The following KSR2 variants were observed in gnomAD, a reference collection of about 807,000 sequenced individuals.
The protein encoded by KSR2 is kinase suppressor of ras 2.
KSR2 carries 25 observed loss-of-function variants against 107.8 expected under a neutral mutation model. The observed-to-expected ratio is 0.23, with a 90% CI of 0.17 to 0.32. KSR2 has a LOEUF of 0.32. Among genes scored for constraint, KSR2 ranks in the 10% least tolerant of loss-of-function variants. KSR2 has a pLI of 1.00. For missense variants in KSR2, 887 were observed against 1,268.9 expected (o/e 0.70, Z 4.57); for synonymous variants, 480 against 507.0 (o/e 0.95, Z 0.71).
At chr12:117,731,161 C>T (rs1314993865) in intron 4 of KSR2, among the ~76,000 whole-genome samples, 1 of 151,018 alleles carries the variant, frequency 6.6e-6, no homozygotes, top group African/African-American at 2.4e-5. Context: ...CCGGCCACGA[C>T]CCCGTCTGGG....
intron 5 of KSR2, among the ~76,000 whole-genome samples, chr12:117,595,489 T>C (rs1052029862): frequency 4.0e-5 from 6 of 149,982 alleles, no homozygotes; most frequent in African/African-American, 1.5e-4. Flanking sequence ...CTCAGCCTCC[T>C]GAGTAGCTGG....
intron 1 of KSR2, among the ~76,000 whole-genome samples, chr12:117,877,261 C>T (rs1344059960): frequency 2.0e-5 from 3 of 151,962 alleles, no homozygotes; most frequent in African/African-American, 7.3e-5. Context: ...CGCTTGAGCT[C>T]GGGAAGTGGA....
In KSR2 at chr12:117,737,713, G is replaced by A. The variant is rs563621944; in HGVS notation, c.986+23298C>T. ...CACGAGAATGGTTTGAACCCAGGAG[G>A]CAGAAGTTGCAGTGAGCTGAGATCA... On this transcript the variant is annotated intron_variant, in intron 4 of 19. Coordinates refer to ENST00000339824, the MANE Select transcript of KSR2 (RefSeq NM_173598.6). Among the ~76,000 whole-genome samples, 10 of 149,430 alleles carry A rather than the reference G, an allele frequency of 6.7e-5. No individual in the cohort carries two copies. In the South Asian group the frequency reaches 2.1e-3, roughly 32 times the overall value.
chr12:117,587,454 T>C lies in KSR2; in HGVS notation c.1172-5095A>G, dbSNP rs543430356. 3.9e-5 allele frequency among the ~76,000 whole-genome samples: 6 copies of C among 152,180 alleles called. No homozygotes were observed. The South Asian group carries it at 1.0e-3, about 26-fold the overall frequency. ...GGCACATAACTAGAAAAGGCGAGAA[T>C]GGATTCTCCCCTAGAGCTTCCAGAA... is the stretch of plus-strand genomic sequence containing the variant. On this transcript the variant is annotated intron_variant, in intron 5 of 19. Coordinates refer to ENST00000339824, the MANE Select transcript of KSR2 (RefSeq NM_173598.6).
At chr12:117,951,940 T>G (rs576001849) in intron 1 of KSR2, among the ~76,000 whole-genome samples, 1 of 152,122 alleles carries the variant, frequency 6.6e-6, no homozygotes, top group Non-Finnish European at 1.5e-5. Context: ...TGATTTTGTA[T>G]GTGGAATCTA....
At chr12:117,541,849 G>T (rs527664980) in intron 9 of KSR2, among the ~76,000 whole-genome samples, 12 of 152,080 alleles carry the variant, frequency 7.9e-5, no homozygotes, top group Non-Finnish European at 1.2e-4. Flanking sequence ...GGGTCAGTGA[G>T]TCTCTCCTTA....
At chr12:117,862,727 C>G (rs55656915) in intron 1 of KSR2, among the ~76,000 whole-genome samples, 14,656 of 144,320 alleles carry the variant, frequency 0.1, 995 homozygotes, top group African/African-American at 0.18. Flanking sequence ...CCATTCCCCC[C>G]CTTTTTTTTT....
chr12:117,570,969 C>T (rs1593004788), intron 7 of KSR2, among the ~76,000 whole-genome samples: 1 of 152,248 alleles, frequency 6.6e-6, no homozygotes, highest in East Asian at 1.9e-4. Context: ...CAGAAGAAAC[C>T]TATTCCAGCC....
At chr12:117,666,848 G>A (rs542475082) in intron 5 of KSR2, among the ~76,000 whole-genome samples, 9 of 152,096 alleles carry the variant, frequency 5.9e-5, no homozygotes, top group Non-Finnish European at 1.3e-4. Flanking sequence ...TCAGCAAATC[G>A]GGCCTCTGGG....
chr12:117,742,674 T>G (rs894561536), intron 4 of KSR2, among the ~76,000 whole-genome samples: 1 of 152,152 alleles, frequency 6.6e-6, no homozygotes, highest in Non-Finnish European at 1.5e-5. Context: ...CTTATAACTT[T>G]TTTGCAAGTC....
At chr12:117,529,759 T>G (rs1046318419) in intron 12 of KSR2, among the ~76,000 whole-genome samples, 4 of 151,884 alleles carry the variant, frequency 2.6e-5, no homozygotes, top group Non-Finnish European at 5.9e-5. Flanking sequence ...TCCCAGCACT[T>G]TGGGAGGCTG....
At chr12:117,739,484 G>A (rs1888090010) in intron 4 of KSR2, among the ~76,000 whole-genome samples, 1 of 152,216 alleles carries the variant, frequency 6.6e-6, no homozygotes, top group South Asian at 2.1e-4. Context: ...GAGATAAGCA[G>A]GTCATCCTTG....
chr12:117,954,757 T>C (rs1896457979), intron 1 of KSR2, among the ~76,000 whole-genome samples: 1 of 152,168 alleles, frequency 6.6e-6, no homozygotes, highest in Admixed American at 6.5e-5. Flanking sequence ...GGCTCACACC[T>C]ATAATCCCAG....
intron 1 of KSR2, among the ~76,000 whole-genome samples, chr12:117,894,692 T>G (rs1260109595): frequency 1.6e-5 from 1 of 63,292 alleles, no homozygotes; most frequent in Non-Finnish European, 3.0e-5. Flanking sequence ...CACTTCCCCC[T>G]CCCCCTCCCC....
chr12:117,476,640 G>A, intron 16 of KSR2, 45 bp from the exon 17 acceptor site: 1 of 1,573,394 alleles, frequency 6.4e-7, no homozygotes. Flanking sequence ...ATAGCCCAGG[G>A]TGGACCAGTC....
intron 1 of KSR2, among the ~76,000 whole-genome samples, chr12:117,915,525 T>C (rs1895147295): frequency 6.6e-6 from 1 of 152,218 alleles, no homozygotes; most frequent in Admixed American, 6.5e-5. Flanking sequence ...TTAACTGACA[T>C]TTAACTGAAT....
chr12:117,771,801 T>C (rs1034239921), intron 3 of KSR2, among the ~76,000 whole-genome samples: 1 of 152,134 alleles, frequency 6.6e-6, no homozygotes, highest in Non-Finnish European at 1.5e-5. Context: ...GCAGCTGAGC[T>C]GGGACCCACC....
At chr12:117,879,621 G>A (rs1047607392) in intron 1 of KSR2, among the ~76,000 whole-genome samples, 1 of 152,224 alleles carries the variant, frequency 6.6e-6, no homozygotes, top group Non-Finnish European at 1.5e-5. Context: ...GGAGGCTGAG[G>A]TCAGAGGATT....
chr12:117,932,098 T>G (rs1895710059), intron 1 of KSR2, among the ~76,000 whole-genome samples: 1 of 150,380 alleles, frequency 6.6e-6, no homozygotes, highest in Non-Finnish European at 1.5e-5. Context: ...ACCAACCTGG[T>G]CAACATGGCA....
Sources: gnomAD v4.1 joint callset for allele counts (sites outside exome capture counted in the v4.1 genomes callset) on GRCh38, gnomAD v4.1.1 for gene constraint, MANE v1.5 for transcripts, NCBI Gene and HGNC (gene_info 2026-07-23, HGNC 2026-07-21) for gene names.